Variants in SNTG1 observed in about 807,000 individuals in gnomAD.
SNTG1 encodes the protein gamma-1-syntrophin.
SNTG1 carries 39 observed loss-of-function variants against 74.7 expected under a neutral mutation model. That is an observed-to-expected ratio of 0.52 (90% CI 0.40 to 0.68). SNTG1 has a LOEUF of 0.68. Ranked by LOEUF, SNTG1 falls within the 30% of genes least tolerant of loss-of-function variation. The pLI is 0.00. For missense variants in SNTG1, 685 were observed against 609.5 expected (o/e 1.12, Z -1.30); for synonymous variants, 254 against 217.1 (o/e 1.17, Z -1.49).
intron 4 of SNTG1, among the ~76,000 whole-genome samples, chr8:50,431,793 G>A (rs866622730): frequency 1.3e-5 from 2 of 152,130 alleles, no homozygotes; most frequent in Non-Finnish European, 2.9e-5. Flanking sequence ...TGTTGAACAT[G>A]TCTTCATAGG....
intron 1 of SNTG1, among the ~76,000 whole-genome samples, chr8:50,165,193 G>A (rs1020693620): frequency 2.6e-5 from 4 of 152,160 alleles, no homozygotes; most frequent in African/African-American, 7.2e-5. Flanking sequence ...CATATTGCTC[G>A]ATTTAATTAA....
intron 1 of SNTG1, among the ~76,000 whole-genome samples, chr8:49,938,597 C>CTTTTTTCTTTTCTTTT (rs755805948): frequency 5.2e-4 from 17 of 32,508 alleles, no homozygotes; most frequent in South Asian, 1.9e-3. Flanking sequence ...CTTTTCTTTT[C>CTTTTTTCTTTTCTTTT]TTTTCTTTTC....
rs549144674 is a variant in SNTG1 at position 50,585,972 on chromosome 8, C to G, written c.811-4907C>G. Among the ~76,000 whole-genome samples, 79 of 152,244 alleles carry G rather than the reference C, an allele frequency of 5.2e-4. 3 individuals carry two copies. The South Asian group carries it at 0.016, about 30-fold the overall frequency. ...GTATACTATGTCCAATTGATAAACA[C>G]TAGGATATTCCACCAGTGCCACTTA... is the stretch of plus-strand genomic sequence containing the variant. On this transcript the variant is annotated intron_variant, in intron 12 of 18. Coordinates refer to ENST00000642720, the MANE Select transcript of SNTG1 (RefSeq NM_018967.5).
intron 13 of SNTG1, among the ~76,000 whole-genome samples, chr8:50,597,367 ACATG>A (rs372911118): frequency 2.7e-5 from 3 of 112,558 alleles, no homozygotes; most frequent in Admixed American, 1.9e-4. Context: ...ATACACATAT[ACATG>A]TATATATACA....
chr8:50,584,890 C>T (rs1306514508), intron 12 of SNTG1, among the ~76,000 whole-genome samples: 1 of 152,044 alleles, frequency 6.6e-6, no homozygotes, highest in East Asian at 1.9e-4. Flanking sequence ...AGCCACTGAC[C>T]TGGGTGGGCA....
chr8:50,474,087 T>C (rs2093675613), intron 8 of SNTG1, among the ~76,000 whole-genome samples: 1 of 151,988 alleles, frequency 6.6e-6, no homozygotes, highest in Non-Finnish European at 1.5e-5. Context: ...AGTTTGAATA[T>C]ACTTAAAACT....
At chr8:49,917,341 C>A (rs903252253) in intron 1 of SNTG1, among the ~76,000 whole-genome samples, 4 of 152,126 alleles carry the variant, frequency 2.6e-5, no homozygotes, top group African/African-American at 7.2e-5. Context: ...TCTGTCATGC[C>A]ATTCTTCTTG....
intron 2 of SNTG1, among the ~76,000 whole-genome samples, chr8:50,272,952 C>A (rs914146068): frequency 9.9e-5 from 15 of 151,780 alleles, no homozygotes; most frequent in African/African-American, 3.6e-4. Flanking sequence ...CTATATTACC[C>A]AGGCTGGTCT....
rs752964062 is a variant in SNTG1, at chr8:50,752,035, A to G, written c.1319A>G (p.Lys440Arg). ...TGGAGGTATAAATTCTCTCAGCTTA[A>G]AGGTTCTTCAGATGATGGCAAGAGC... is the stretch of plus-strand genomic sequence containing the variant. ...VLWRYKFSQL[K>R]GSSDDGKSKI... is the part of the protein sequence containing the mutation. The change falls in exon 18 of 19, where the codon AAA (lysine) becomes AGA (arginine). Residue 440 changes from lysine (K) to arginine (R), a missense_variant. Transcript: ENST00000642720. 1 of 1,572,074 alleles carries G rather than the reference A, an allele frequency of 6.4e-7. No homozygotes were observed. The highest frequency in any genetic ancestry group is 2.4e-5 in the East Asian group (1 of 41,078).
Position 50,487,566 on chromosome 8 carries a change from T to A in SNTG1, c.364-15212T>A, listed in dbSNP as rs1410701615. Among the ~76,000 whole-genome samples, 7 of 152,110 alleles carry A rather than the reference T, an allele frequency of 4.6e-5. No individual in the cohort carries two copies. The East Asian group carries it at 1.4e-3, about 29-fold the overall frequency. On this transcript the variant is annotated intron_variant, in intron 8 of 18. Transcript: ENST00000642720. ...CATGGATGAAATTGGAAATCATCAT[T>A]CTCAGTAAACTATCGCAAGATCAAA...
chr8:50,250,818 A>G (rs2086614787), intron 2 of SNTG1, among the ~76,000 whole-genome samples: 1 of 152,130 alleles, frequency 6.6e-6, no homozygotes, highest in Non-Finnish European at 1.5e-5. Context: ...GCAATCCATC[A>G]CAATTAAAAT....
chr8:50,536,653 CG>C, intron 10 of SNTG1, 24 bp from the exon 11 acceptor site: 1 of 1,606,824 alleles, frequency 6.2e-7, no homozygotes, highest in Non-Finnish European at 8.5e-7. Context: ...AAAAAAATTA[CG>C]TTGAATATTT....
At chr8:50,242,087 G>A (rs570216551) in intron 2 of SNTG1, among the ~76,000 whole-genome samples, 170 of 150,960 alleles carry the variant, frequency 1.1e-3, no homozygotes, top group Non-Finnish European at 1.4e-3. Flanking sequence ...ACATATCTAC[G>A]TATATATACG....
chr8:50,145,843 C>A (rs2081843258), intron 1 of SNTG1, among the ~76,000 whole-genome samples: 1 of 151,258 alleles, frequency 6.6e-6, no homozygotes, highest in African/African-American at 2.4e-5. Flanking sequence ...AATTAGATAT[C>A]TATGAATAAT....
chr8:50,543,801 G>A (rs920482551), intron 11 of SNTG1, among the ~76,000 whole-genome samples: 37 of 152,134 alleles, frequency 2.4e-4, no homozygotes, highest in African/African-American at 8.4e-4. Flanking sequence ...TTTTACACTT[G>A]CACCAACAAT....
chr8:50,516,368 A>C (rs2094134175), intron 9 of SNTG1, among the ~76,000 whole-genome samples: 1 of 152,218 alleles, frequency 6.6e-6, no homozygotes, highest in Non-Finnish European at 1.5e-5. Context: ...GAAAATTCCA[A>C]AAACCAGAAC....
intron 1 of SNTG1, among the ~76,000 whole-genome samples, chr8:50,021,621 C>T (rs568242110): frequency 8.5e-5 from 13 of 152,136 alleles, no homozygotes; most frequent in African/African-American, 3.1e-4. Flanking sequence ...TCACAAATAA[C>T]CCTTATCAAG....
intron 2 of SNTG1, among the ~76,000 whole-genome samples, chr8:50,386,370 C>A (rs904647267): frequency 2.4e-4 from 37 of 151,884 alleles, no homozygotes; most frequent in African/African-American, 8.5e-4. Flanking sequence ...GGTTTTTTCC[C>A]TTCTTTAATT....
At chr8:50,415,202 G>A (rs1587537259) in intron 4 of SNTG1, among the ~76,000 whole-genome samples, 1 of 152,120 alleles carries the variant, frequency 6.6e-6, no homozygotes, top group African/African-American at 2.4e-5. Context: ...TTTAAACCAA[G>A]GAGTTCTGAA....
Sources: allele counts gnomAD v4.1 joint callset (sites outside exome capture counted in the v4.1 genomes callset), GRCh38; gene constraint gnomAD v4.1.1; transcripts MANE v1.5; gene names NCBI Gene and HGNC (gene_info 2026-07-23, HGNC 2026-07-21).